LAMB4: variants seen among roughly 807,000 people sequenced by gnomAD.
LAMB4 encodes laminin subunit beta 4, also known as laminin subunit beta-4.
Under a neutral mutation model 199.2 loss-of-function variants are expected in LAMB4, and 196 were observed. That is an observed-to-expected ratio of 0.98 (90% CI 0.88 to 1.11). The LOEUF (loss-of-function observed/expected upper bound fraction) is 1.11. Ranked by LOEUF, LAMB4 falls within the 50% of genes least tolerant of loss-of-function variation. The pLI is 0.00. For missense variants in LAMB4, 2,080 were observed against 2,171.2 expected (o/e 0.96, Z 0.83); for synonymous variants, 744 against 770.6 (o/e 0.97, Z 0.57).
In LAMB4 at chr7:108,095,348, A is replaced by G. The variant is rs1318035069; in HGVS notation, c.1361-11T>C. ...GGTTACAGTCGCAGGCTGAAAGCAC[A>G]GCATACACAATTATTCTCATTCTTA... On this transcript the variant is annotated splice_polypyrimidine_tract_variant and intron_variant, in intron 11 of 33. Coordinates refer to ENST00000388781, the MANE Select transcript of LAMB4 (RefSeq NM_007356.3). 1.9e-6 allele frequency: 3 copies of G among 1,563,414 alleles called. No individual in the cohort carries two copies. Among genetic ancestry groups the G allele is most frequent in the Non-Finnish European group, 2.6e-6 (3 of 1,134,396 alleles).
At chr7:108,122,308 A>G (rs11975121) in intron 2 of LAMB4, among the ~76,000 whole-genome samples, 6,147 of 152,244 alleles carry the variant, frequency 0.04, 374 homozygotes, top group African/African-American at 0.14. Flanking sequence ...TTTCTGAATG[A>G]GACCAGTCCT....
chr7:108,023,191 G>A (rs2034727796), downstream of LAMB4, among the ~76,000 whole-genome samples: 1 of 152,148 alleles, frequency 6.6e-6, no homozygotes, highest in African/African-American at 2.4e-5. Flanking sequence ...CAATGTTGAT[G>A]TATATTATTT....
chr7:108,036,906 C>T (rs911214101), intron 30 of LAMB4, among the ~76,000 whole-genome samples: 7 of 146,040 alleles, frequency 4.8e-5, no homozygotes, highest in African/African-American at 1.0e-4. Flanking sequence ...TGGCAAAAAC[C>T]GCAATTCCTT....
rs1179948709 is a variant in LAMB4 at position 108,037,457 on chromosome 7, G to A, written c.4610C>T (p.Thr1537Ile). 1.2e-6 allele frequency: 2 copies of A among 1,614,138 alleles called. No homozygotes were observed. Among genetic ancestry groups the A allele is most frequent in the Admixed American group, 3.3e-5 (2 of 60,018 alleles). The part of the protein sequence containing the change: ...KHMQLCEDYR[T>I]DENRLNEEAD... ...TTCTTCATTTAACCTGTTTTCATCT[G>A]TCCTGTAATCCTCACAGAGTTGCAT... The change falls in exon 30 of 34, where the codon ACA becomes ATA. Residue 1537 changes from threonine to isoleucine, a missense_variant. By Grantham distance (89) the Thr-to-Ile change is moderately conservative (BLOSUM62 -1). Transcript: ENST00000388781.
At chr7:108,052,875 G>A (rs183341777) in intron 25 of LAMB4, among the ~76,000 whole-genome samples, 1 of 152,226 alleles carries the variant, frequency 6.6e-6, no homozygotes, top group African/African-American at 2.4e-5. Flanking sequence ...CTGTTACTTC[G>A]AGGGGATAAT....
intron 25 of LAMB4, among the ~76,000 whole-genome samples, chr7:108,054,567 C>G (rs1033655670): frequency 6.6e-6 from 1 of 152,024 alleles, no homozygotes; most frequent in African/African-American, 2.4e-5. Flanking sequence ...TTTTGGAGTT[C>G]CTTAGCAGAC....
chr7:108,126,558 T>C (rs964111415), intron 1 of LAMB4, among the ~76,000 whole-genome samples: 4 of 95,180 alleles, frequency 4.2e-5, no homozygotes, highest in African/African-American at 1.3e-4. Flanking sequence ...TTCTTTCTTT[T>C]TTTTTTTTTT....
Position 108,055,998 on chromosome 7 carries a change from CAA to C in LAMB4, c.3387_3388del (p.Asp1129GlufsTer2). 1 of 1,604,352 alleles carries C rather than the reference CAA, an allele frequency of 6.2e-7. No homozygotes were observed. The highest frequency in any genetic ancestry group is 1.1e-5 in the South Asian group (1 of 90,122). On this transcript the variant is annotated frameshift_variant, in exon 25 of 34. Transcript: ENST00000388781. LOFTEE classifies it high-confidence loss of function. ...GGGCTTCTGGGTACCTGCCCTGTTA[CAA>C]TCACATGCTAAAAAGGAAAACAGAA... is the stretch of plus-strand genomic sequence containing the variant.
chr7:108,083,143 G>C (rs1032472016), intron 14 of LAMB4, among the ~76,000 whole-genome samples: 1 of 152,098 alleles, frequency 6.6e-6, no homozygotes, highest in African/African-American at 2.4e-5. Context: ...TGGAATAGTC[G>C]GGCTCCATTT....
intron 19 of LAMB4, among the ~76,000 whole-genome samples, chr7:108,067,256 T>G (rs1288971286): frequency 2.6e-5 from 4 of 152,068 alleles, no homozygotes; most frequent in Non-Finnish European, 4.4e-5. Context: ...ATGGGCTGGG[T>G]AGGTGGCCAT....
chr7:108,086,706 T>C (rs1014637040), intron 14 of LAMB4, among the ~76,000 whole-genome samples: 1 of 152,142 alleles, frequency 6.6e-6, no homozygotes, highest in African/African-American at 2.4e-5. Context: ...ATAACACAGA[T>C]GTGGTCATTT....
intron 14 of LAMB4, among the ~76,000 whole-genome samples, chr7:108,088,079 A>G (rs2037252791): frequency 6.6e-6 from 1 of 152,100 alleles, no homozygotes; most frequent in Non-Finnish European, 1.5e-5. Flanking sequence ...ATTTCTCTTC[A>G]GTATTATCTT....
intron 14 of LAMB4, among the ~76,000 whole-genome samples, chr7:108,089,250 T>C (rs1032130691): frequency 6.6e-6 from 1 of 152,138 alleles, no homozygotes; most frequent in Non-Finnish European, 1.5e-5. Flanking sequence ...CTGAGGTCAA[T>C]AGGGGCCCAG....
chr7:108,043,106 C>T (rs2035479933), intron 29 of LAMB4, among the ~76,000 whole-genome samples: 1 of 151,890 alleles, frequency 6.6e-6, no homozygotes, highest in Admixed American at 6.6e-5. Flanking sequence ...AATAAATCAG[C>T]TACTTTTGGT....
chr7:108,091,155 A>G (rs560933225), intron 14 of LAMB4, among the ~76,000 whole-genome samples: 2 of 151,318 alleles, frequency 1.3e-5, no homozygotes. Flanking sequence ...AGAACCTTCT[A>G]TACTTTCGTC....
At chr7:108,107,494 T>A (rs2038065004) in intron 6 of LAMB4, 137 bp downstream of exon 6, 2 of 647,498 alleles carry the variant, frequency 3.1e-6, no homozygotes, top group South Asian at 4.2e-5. Context: ...TCATTTCAGT[T>A]TAGACACTTT....
intron 3 of LAMB4, 140 bp from the exon 4 acceptor site, chr7:108,112,086 A>G (rs2038248580): frequency 3.4e-6 from 2 of 581,934 alleles, no homozygotes; most frequent in African/African-American, 1.9e-5. Context: ...CAAGACATCA[A>G]AATGCCTATC....
At chr7:108,025,675 G>A (rs899222883) in intron 33 of LAMB4, among the ~76,000 whole-genome samples, 105 of 152,106 alleles carry the variant, frequency 6.9e-4, no homozygotes, top group Non-Finnish European at 6.2e-4. Flanking sequence ...TGATCTGCCC[G>A]TCTCAGCCTC....
intron 15 of LAMB4, among the ~76,000 whole-genome samples, chr7:108,079,103 T>G (rs1026081697): frequency 1.3e-5 from 2 of 152,238 alleles, no homozygotes; most frequent in South Asian, 4.1e-4. Flanking sequence ...GCTTCTATTC[T>G]GTTTTAGATA....
Sources: gnomAD v4.1 joint callset for allele counts (sites outside exome capture counted in the v4.1 genomes callset) on GRCh38, gnomAD v4.1.1 for gene constraint, MANE v1.5 for transcripts, NCBI Gene and HGNC (gene_info 2026-07-23, HGNC 2026-07-21) for gene names.